Variants in ZMIZ1 observed in about 807,000 individuals in gnomAD.
ZMIZ1 encodes zinc finger MIZ domain-containing protein 1.
In ZMIZ1, 17 loss-of-function variants were observed where a neutral mutation model predicts 113.9. The ratio of observed to expected loss-of-function variants is 0.15; its 90% confidence interval spans 0.10 to 0.22. The LOEUF is 0.22. Among genes scored for constraint, ZMIZ1 ranks in the 10% least tolerant of loss-of-function variants. The pLI, the probability that ZMIZ1 is intolerant of heterozygous loss-of-function variation, is 1.00. For missense variants in ZMIZ1, 1,059 were observed against 1,477.8 expected (o/e 0.72, Z 4.65); for synonymous variants, 607 against 603.1 (o/e 1.01, Z -0.09).
In ZMIZ1 at chr10:79,277,559, G is replaced by C. The variant is rs541394361; in HGVS notation, c.425+234G>C. Among the ~76,000 whole-genome samples the C allele has an allele frequency of 3.2e-3, 487 of 152,334 alleles. 2 individuals are homozygous for C. Among genetic ancestry groups the C allele is most frequent in the African/African-American group, 0.011 (462 of 41,576 alleles). ...GAGGCTGTTTTTCTTCAGGTTCTAG[G>C]CTTCTGGCAGAACGTTAGAAATTCT... On this transcript the variant is annotated intron_variant, in intron 8 of 24. Coordinates refer to ENST00000334512, the MANE Select transcript of ZMIZ1 (RefSeq NM_020338.4).
At chr10:79,094,228 C>T (rs1021059416) in intron 1 of ZMIZ1, among the ~76,000 whole-genome samples, 2 of 152,084 alleles carry the variant, frequency 1.3e-5, no homozygotes, top group Non-Finnish European at 2.9e-5. Context: ...CGGCTGCAGC[C>T]GGGCCTGTTT....
chr10:79,253,464 CTGCCG>C (rs777203335), intron 7 of ZMIZ1, among the ~76,000 whole-genome samples: 18 of 152,172 alleles, frequency 1.2e-4, no homozygotes, highest in Admixed American at 1.0e-3. Flanking sequence ...CTGTCCCTCC[CTGCCG>C]TGCCGTCTTG....
At chr10:79,126,304 C>T (rs10762849) in intron 2 of ZMIZ1, among the ~76,000 whole-genome samples, 30,336 of 152,118 alleles carry the variant, frequency 0.2, 3,485 homozygotes, top group East Asian at 0.43. Flanking sequence ...GGCTGCCCTT[C>T]CCCTCATCAG....
intron 23 of ZMIZ1, among the ~76,000 whole-genome samples, chr10:79,310,392 C>A (rs1325385538): frequency 1.3e-5 from 2 of 152,230 alleles, no homozygotes; most frequent in African/African-American, 2.4e-5. Context: ...AAGGCGCCTT[C>A]GTACCCAGCA....
At chr10:79,102,664 G>A (rs543432365) in intron 1 of ZMIZ1, among the ~76,000 whole-genome samples, 11 of 152,286 alleles carry the variant, frequency 7.2e-5, no homozygotes, top group East Asian at 5.8e-4. Context: ...AGTCCCAGGC[G>A]CCACCTGGGA....
In ZMIZ1 at chr10:79,292,965, G is replaced by A. The variant is rs544156782; in HGVS notation, c.958-416G>A. ...TGCCTCCACTGGCCCAGGACCAAGG[G>A]CAGGGCCAGGGCTTCCAGGAAAGGG... is the stretch of plus-strand genomic sequence containing the variant. On this transcript the variant is annotated intron_variant, in intron 11 of 24. Transcript: ENST00000334512. 393 of 452,578 alleles carry A rather than the reference G, an allele frequency of 8.7e-4. 1 individual carries two copies. Among genetic ancestry groups the A allele is most frequent in the Middle Eastern group, 2.4e-3 (4 of 1,692 alleles). The allele number at this position is 452,578 out of a possible 1,614,324, so 28.0% of individuals were successfully genotyped here.
chr10:79,085,276 C>T lies in ZMIZ1; in HGVS notation c.-337+16006C>T, dbSNP rs539533524. Among the ~76,000 whole-genome samples the T allele has an allele frequency of 7.9e-4, 118 of 149,108 alleles. 1 individual carries two copies. Among genetic ancestry groups the T allele is most frequent in the Middle Eastern group, 3.4e-3 (1 of 292 alleles). The stretch of plus-strand genomic sequence containing the variant: ...TGCAACCCTGCAGCACCTGGGCAGG[C>T]TGGTTCTGGGGGCTCAGCACCAGTC... On this transcript the variant is annotated intron_variant, in intron 1 of 24. Transcript: ENST00000334512.
In ZMIZ1 at chr10:79,312,990, G is replaced by C; in HGVS notation, c.*241G>C. The C allele has an allele frequency of 1.8e-6, 1 of 548,208 alleles. No individual in the cohort carries two copies. Among genetic ancestry groups the C allele is most frequent in the South Asian group, 2.2e-5 (1 of 46,324 alleles). 34.0% of individuals were successfully genotyped at this position (548,208 alleles called of 1,614,324 possible). ...TCCCACCTCCACACCCTTGGCTTGG[G>C]CCCATGCCCAGCGCAGGCCTGAAGA... is the stretch of plus-strand genomic sequence containing the variant. On this transcript the variant is annotated 3_prime_UTR_variant, in exon 25 of 25. Transcript: ENST00000334512.
intron 6 of ZMIZ1, among the ~76,000 whole-genome samples, chr10:79,212,738 A>G (rs1332380992): frequency 2.0e-5 from 3 of 151,272 alleles, no homozygotes; most frequent in African/African-American, 7.3e-5. Context: ...CCTGGGCAAC[A>G]GAGCGGGACT....
intron 7 of ZMIZ1, among the ~76,000 whole-genome samples, chr10:79,228,165 T>C (rs1317459252): frequency 6.6e-6 from 1 of 152,268 alleles, no homozygotes; most frequent in Non-Finnish European, 1.5e-5. Flanking sequence ...GTACCATTTA[T>C]TGAGCTACTG....
chr10:79,122,251 T>G (rs1366608466), intron 2 of ZMIZ1, among the ~76,000 whole-genome samples: 1 of 152,112 alleles, frequency 6.6e-6, no homozygotes, highest in Non-Finnish European at 1.5e-5. Context: ...CCCTCCTGCC[T>G]GCAGAGGAGG....
Position 79,118,226 on chromosome 10 carries a change from G to A in ZMIZ1, c.-336-689G>A, listed in dbSNP as rs184923772. On this transcript the variant is annotated intron_variant, in intron 1 of 24. Coordinates refer to ENST00000334512, the MANE Select transcript of ZMIZ1 (RefSeq NM_020338.4). This position sits in a 1 kb window ranked among gnomAD's most constrained non-coding sequence, Gnocchi z 4.1. ...CATATTCTAGAATCGAATAGAGGAA[G>A]GGATGGGGGGAGGCCTCCTGACTTC... Among the ~76,000 whole-genome samples the A allele has an allele frequency of 1.0e-3, 156 of 152,326 alleles. 1 individual carries two copies. In the East Asian group the frequency reaches 0.019, roughly 19 times the overall value.
rs759108983 is a variant in ZMIZ1, at chr10:79,311,029, GCTC to G, written c.2956_2958del (p.Pro986del). On this transcript the variant is annotated inframe_deletion, in exon 24 of 25. Coordinates refer to ENST00000334512, the MANE Select transcript of ZMIZ1 (RefSeq NM_020338.4). ...AGGGCCTCCATTACATCACAGTGGG[GCTC>G]CTCCTCCTCCTCCTTCCCAGCCTCC... is the stretch of plus-strand genomic sequence containing the variant. 256 of 1,613,090 alleles carry G rather than the reference GCTC, an allele frequency of 1.6e-4. 1 individual carries two copies. Among genetic ancestry groups the G allele is most frequent in the Non-Finnish European group, 1.8e-4 (211 of 1,179,620 alleles).
chr10:79,219,897 G>A (rs1848891898), intron 7 of ZMIZ1, among the ~76,000 whole-genome samples: 1 of 152,118 alleles, frequency 6.6e-6, no homozygotes, highest in South Asian at 2.1e-4. Flanking sequence ...CACCCATCCA[G>A]ATATATGGGC....
At chr10:79,078,711 A>ATTTTTTTT (rs1347982426) in intron 1 of ZMIZ1, among the ~76,000 whole-genome samples, 1 of 81,754 alleles carries the variant, frequency 1.2e-5, no homozygotes, top group African/African-American at 5.0e-5. Context: ...TGCCCAGCTA[A>ATTTTTTTT]TTTTTGTATT....
intron 8 of ZMIZ1, 26 bp downstream of exon 8, chr10:79,277,351 A>G (rs1852364991): frequency 1.3e-6 from 2 of 1,572,918 alleles, no homozygotes; most frequent in Non-Finnish European, 1.7e-6. Context: ...CCATGGGTGC[A>G]GGTACTGAGC....
intron 4 of ZMIZ1, among the ~76,000 whole-genome samples, chr10:79,182,620 C>T (rs1166036731): frequency 2.0e-5 from 3 of 152,148 alleles, no homozygotes; most frequent in African/African-American, 7.2e-5. Context: ...AGTGGGTAAG[C>T]GTATGTATGC....
intron 7 of ZMIZ1, among the ~76,000 whole-genome samples, chr10:79,265,844 C>T (rs1258435921): frequency 1.3e-5 from 2 of 152,202 alleles, no homozygotes; most frequent in Non-Finnish European, 2.9e-5. Flanking sequence ...CTGCAAGCAT[C>T]GGCTGTTTGA....
intron 15 of ZMIZ1, 24 bp downstream of exon 15, chr10:79,298,604 T>G (rs767124330): frequency 6.3e-7 from 1 of 1,578,946 alleles, no homozygotes; most frequent in Non-Finnish European, 8.6e-7. Context: ...CTCCCTCTCT[T>G]GGCAGCTCCA....
Sources: gnomAD v4.1 joint callset for allele counts (sites outside exome capture counted in the v4.1 genomes callset) on GRCh38, gnomAD v4.1.1 for gene constraint, Gnocchi (gnomAD v3.1) non-coding constraint, MANE v1.5 for transcripts, NCBI Gene and HGNC (gene_info 2026-07-23, HGNC 2026-07-21) for gene names.